Variants in GALNT13 observed in about 807,000 individuals in gnomAD.
GALNT13 encodes the protein UDP-GalNAc:polypeptide N-acetylgalactosaminyltransferase 13.
In GALNT13, 28 loss-of-function variants were observed where a neutral mutation model predicts 64.2. The ratio of observed to expected loss-of-function variants is 0.44; its 90% CI spans 0.32 to 0.60. The LOEUF is 0.60. Ranked by LOEUF, GALNT13 falls within the 20% of genes least tolerant of loss-of-function variation. The pLI is 0.05. For synonymous variants in GALNT13, 214 were observed against 224.6 expected (o/e 0.95, Z 0.42); for missense variants, 577 against 669.8 (o/e 0.86, Z 1.53).
intron 8 of GALNT13, among the ~76,000 whole-genome samples, chr2:154,273,148 A>G (rs1397314368): frequency 2.0e-5 from 3 of 152,178 alleles, no homozygotes; most frequent in Non-Finnish European, 4.4e-5. Context: ...AGATAAAGTC[A>G]AGTGCCTAGA....
the GALNT13 span, among the ~76,000 whole-genome samples, chr2:153,760,744 G>A: frequency 9.2e-5 from 14 of 152,104 alleles, no homozygotes; most frequent in South Asian, 4.1e-4. Flanking sequence ...TATTACATCC[G>A]TTTGGTCTAA....
the GALNT13 span, among the ~76,000 whole-genome samples, chr2:153,606,338 A>G: frequency 6.6e-6 from 1 of 152,092 alleles, no homozygotes; most frequent in East Asian, 1.9e-4. Context: ...GCTACTAGAA[A>G]CATAGACTTC....
At chr2:153,627,067 C>T in the GALNT13 span, among the ~76,000 whole-genome samples, 6 of 152,166 alleles carry the variant, frequency 3.9e-5, no homozygotes, top group South Asian at 1.2e-3. Context: ...CATTTTTCTT[C>T]TCTCTAGTCT....
At chr2:153,243,039 A>G in the GALNT13 span, among the ~76,000 whole-genome samples, 1 of 152,192 alleles carries the variant, frequency 6.6e-6, no homozygotes, top group South Asian at 2.1e-4. Context: ...ACTTTAAGGG[A>G]TGGCTAATAT....
chr2:153,939,279 C>CA (rs1691173631), intron 2 of GALNT13, among the ~76,000 whole-genome samples: 1 of 152,172 alleles, frequency 6.6e-6, no homozygotes, highest in Admixed American at 6.6e-5. Context: ...CACAATCGCA[C>CA]ATGCCCTGAG....
chr2:154,176,238 ATAT>A (rs1685640205), intron 4 of GALNT13, among the ~76,000 whole-genome samples: 1 of 138,040 alleles, frequency 7.2e-6, no homozygotes, highest in Non-Finnish European at 1.6e-5. Context: ...TAGAACATAT[ATAT>A]TATTTATTTA....
intron 3 of GALNT13, among the ~76,000 whole-genome samples, chr2:154,125,132 A>G (rs899367658): frequency 1.3e-5 from 2 of 152,144 alleles, no homozygotes; most frequent in Non-Finnish European, 2.9e-5. Flanking sequence ...GAGTTAATAT[A>G]TGGAACATTT....
the GALNT13 span, among the ~76,000 whole-genome samples, chr2:153,725,461 AAAAAAT>A: frequency 4.0e-5 from 6 of 150,016 alleles, no homozygotes; most frequent in African/African-American, 1.5e-4. Context: ...TATAATTAAA[AAAAAAT>A]AATAATAATA....
the GALNT13 span, among the ~76,000 whole-genome samples, chr2:153,765,238 C>A: frequency 2.0e-5 from 3 of 152,172 alleles, no homozygotes; most frequent in Non-Finnish European, 4.4e-5. Context: ...AAGCTGCAGA[C>A]AACGCCAGCC....
intron 8 of GALNT13, among the ~76,000 whole-genome samples, chr2:154,283,898 G>A (rs1406254536): frequency 6.6e-6 from 1 of 152,180 alleles, no homozygotes; most frequent in Non-Finnish European, 1.5e-5. Context: ...GTCAAAAACT[G>A]TTTACAGGAA....
Position 153,942,049 on chromosome 2 carries a change from G to A in GALNT13, c.-104-2345G>A, listed in dbSNP as rs533487281. Among the ~76,000 whole-genome samples the A allele has an allele frequency of 7.9e-5, 12 of 152,052 alleles. No individual in the cohort carries two copies. In the South Asian group the frequency reaches 2.3e-3, roughly 29 times the overall value. Reference sequence around the variant, plus strand: ...AACCTCAACTGTTAGGCTTTTATTAGGAAATGACTTATCTTAGACATTTCA... The same window carrying A: ...AACCTCAACTGTTAGGCTTTTATTAAGAAATGACTTATCTTAGACATTTCA... On this transcript the variant is annotated intron_variant, in intron 2 of 12. Transcript: ENST00000392825.
the GALNT13 span, among the ~76,000 whole-genome samples, chr2:153,112,418 C>G: frequency 6.6e-6 from 1 of 152,050 alleles, no homozygotes; most frequent in Non-Finnish European, 1.5e-5. Context: ...CACTCTCTCT[C>G]CCACTGATAT....
the GALNT13 span, among the ~76,000 whole-genome samples, chr2:153,277,140 T>C: frequency 1.3e-5 from 2 of 152,202 alleles, no homozygotes; most frequent in African/African-American, 4.8e-5. Flanking sequence ...TGGGATACAA[T>C]TGATCCCGTC....
chr2:154,390,217 T>G (rs9789502), intron 9 of GALNT13, among the ~76,000 whole-genome samples: 20,459 of 152,216 alleles, frequency 0.13, 1,519 homozygotes, highest in Non-Finnish European at 0.15. Context: ...AGACTTACTA[T>G]GAATAAAAGA....
intron 8 of GALNT13, among the ~76,000 whole-genome samples, chr2:154,269,225 C>G (rs1282687742): frequency 6.6e-6 from 1 of 152,010 alleles, no homozygotes. Flanking sequence ...TTTAAAAATA[C>G]TTAAAGAAAG....
At chr2:153,507,428 G>A in the GALNT13 span, among the ~76,000 whole-genome samples, 3 of 151,874 alleles carry the variant, frequency 2.0e-5, no homozygotes, top group Admixed American at 6.6e-5. Context: ...CTACAGGCCC[G>A]TGCCACGATG....
chr2:153,942,829 T>C lies in GALNT13; in HGVS notation c.-104-1565T>C, dbSNP rs759599468. Among the ~76,000 whole-genome samples the C allele has an allele frequency of 1.1e-3, 161 of 152,298 alleles. 2 individuals carry two copies. The highest frequency in any genetic ancestry group is 5.1e-4 in the Non-Finnish European group (35 of 68,010). On this transcript the variant is annotated intron_variant, in intron 2 of 12. Transcript: ENST00000392825. Reference sequence around the variant, plus strand: ...ATTTGTTGCTAGTTTAGGTTGGTTATAACAGGCAACAGAATTTCTGTTGCT... The same window carrying C: ...ATTTGTTGCTAGTTTAGGTTGGTTACAACAGGCAACAGAATTTCTGTTGCT...
chr2:153,140,392 G>A, the GALNT13 span, among the ~76,000 whole-genome samples: 1 of 151,982 alleles, frequency 6.6e-6, no homozygotes, highest in South Asian at 2.1e-4. Context: ...ACAAAGGACA[G>A]GTTGTCTTTA....
intron 1 of GALNT13, among the ~76,000 whole-genome samples, chr2:153,894,511 T>C (rs1308131810): frequency 6.6e-6 from 1 of 151,844 alleles, no homozygotes; most frequent in Non-Finnish European, 1.5e-5. Context: ...GTATTTACAA[T>C]AAGAAAATAT....
Sources: gnomAD v4.1 joint callset for allele counts (sites outside exome capture counted in the v4.1 genomes callset) on GRCh38, gnomAD v4.1.1 for gene constraint, MANE v1.5 for transcripts, NCBI Gene and HGNC (gene_info 2026-07-23, HGNC 2026-07-21) for gene names.